Variants in EVC observed in about 807,000 individuals in gnomAD.
The protein encoded by EVC is evC complex member EVC.
A neutral mutation model predicts 118.9 loss-of-function variants in EVC; 116 were observed. That is an observed-to-expected ratio of 0.98 (90% CI 0.84 to 1.14). EVC has a LOEUF of 1.14. EVC is among the 50% of genes most tolerant of loss of function. The pLI, the probability that EVC is intolerant of heterozygous loss-of-function variation, is 0.00. For synonymous variants in EVC, 619 were observed against 534.7 expected (o/e 1.16, Z -2.18); for missense variants, 1,401 against 1,246.4 (o/e 1.12, Z -1.87).
At chr4:5,809,082 T>C (rs1178574760) in intron 18 of EVC, among the ~76,000 whole-genome samples, 1 of 152,242 alleles carries the variant, frequency 6.6e-6, no homozygotes, top group African/African-American at 2.4e-5. Flanking sequence ...ATGGACAAAC[T>C]GAGGCATGCA....
At position 5,789,115 on chromosome 4, in the gene EVC, G is replaced by A. The variant is rs1227703751; in HGVS notation, c.1777-4493G>A. On this transcript the variant is annotated intron_variant, in intron 12 of 20. Coordinates refer to ENST00000264956, the MANE Select transcript of EVC (RefSeq NM_153717.3). This position sits in a 1 kb window ranked among gnomAD's most constrained non-coding sequence, Gnocchi z 4.3. ...GTGACTTTTCTCTGTTAGTGATACTGGAAATAATTGGGCATCTTACAGTCG... is the reference window on the plus strand; with the variant it reads ...GTGACTTTTCTCTGTTAGTGATACTAGAAATAATTGGGCATCTTACAGTCG... 1.3e-5 allele frequency among the ~76,000 whole-genome samples: 2 copies of A among 152,166 alleles called. No homozygotes were observed. Among genetic ancestry groups the A allele is most frequent in the Admixed American group, 6.5e-5 (1 of 15,270 alleles).
intron 13 of EVC, among the ~76,000 whole-genome samples, chr4:5,795,307 TCAAGAAGCAG>T (rs1442110800): frequency 2.6e-5 from 4 of 152,186 alleles, no homozygotes; most frequent in Non-Finnish European, 5.9e-5. Flanking sequence ...GTGCATACCA[TCAAGAAGCAG>T]GTGTCTAGCT....
rs1553860016 is a variant in EVC, at chr4:5,715,740, C to CCTTTTTTTTTTTTTTTTTTTTTTTTTTT, written c.175-3508_175-3507insCTTTTTTTTTTTTTTTTTTTTTTTTTTT. Among the ~76,000 whole-genome samples, 4 of 70,992 alleles carry CCTTTTTTTTTTTTTTTTTTTTTTTTTTT rather than the reference C, an allele frequency of 5.6e-5. 2 individuals carry two copies. The allele number at this position is 70,992 out of a possible 152,430, so 46.6% of individuals were successfully genotyped here. A position where few individuals can be genotyped will look rare whatever the true frequency, so the allele number is the denominator to read the frequency against. On this transcript the variant is annotated intron_variant, in intron 1 of 20. Transcript: ENST00000264956. ...AATTTCGAAGGCATTTTTCCATTGT[C>CCTTTTTTTTTTTTTTTTTTTTTTTTTTT]TTTTTTTTTTTTTTTTTTTTTGAGA...
At chr4:5,821,378 T>A in the EVC span, 12 of 208,876 alleles carry the variant, frequency 5.7e-5, no homozygotes, top group South Asian at 1.7e-3. This position sits in a 1 kb window ranked among gnomAD's most constrained non-coding sequence, Gnocchi z 4.4. Flanking sequence ...ATACGTAATT[T>A]AGTAACATGC....
Position 5,738,208 on chromosome 4 carries a change from G to T in EVC, c.703-3508G>T, listed in dbSNP as rs1262055377. Among the ~76,000 whole-genome samples the T allele has an allele frequency of 2.0e-5, 3 of 152,224 alleles. No homozygotes were observed. Among genetic ancestry groups the T allele is most frequent in the Non-Finnish European group, 2.9e-5 (2 of 68,042 alleles). ...TGGGACTGAGCTGCTGCAATCTCAT[G>T]ATGAAACATGACTGGATGAGGAGCT... On this transcript the variant is annotated intron_variant, in intron 5 of 20. Coordinates refer to ENST00000264956, the MANE Select transcript of EVC (RefSeq NM_153717.3). The surrounding 1 kb of genome is among the most constrained non-coding windows in gnomAD (Gnocchi z 6.5).
intron 5 of EVC, among the ~76,000 whole-genome samples, chr4:5,736,353 G>A (rs976756116): frequency 6.6e-6 from 1 of 152,134 alleles, no homozygotes; most frequent in East Asian, 1.9e-4. Flanking sequence ...AAGAAGGTCT[G>A]TAGACAGCAG....
In EVC at chr4:5,798,264, GTCC is replaced by G. The variant is rs758993548; in HGVS notation, c.2098-316_2098-314del. On this transcript the variant is annotated intron_variant, in intron 14 of 20. Coordinates refer to ENST00000264956, the MANE Select transcript of EVC (RefSeq NM_153717.3). The surrounding 1 kb of genome is among the most constrained non-coding windows in gnomAD (Gnocchi z 4.1). ...TTACTTAACTTCTCTGAGCCTTCGT[GTCC>G]TCCTCAGTGCTAGTGTTCAGGTCTC... Among the ~76,000 whole-genome samples the G allele has an allele frequency of 5.9e-5, 9 of 152,300 alleles. No homozygotes were observed. The highest frequency in any genetic ancestry group is 1.9e-4 in the East Asian group (1 of 5,186).
In EVC at chr4:5,731,500, G is replaced by C; in HGVS notation, c.460G>C (p.Glu154Gln). ...KQAVLPHQPV[E>Q]ASPSSSLGSL... ...GGCTGTTTTGCCACACCAGCCGGTA[G>C]AGGCCTCTCCTTCCAGCAGTCTGGG... The change falls in exon 4 of 21, where the codon GAG becomes CAG. Residue 154 changes from glutamate to glutamine, a missense_variant. Coordinates refer to ENST00000264956, the MANE Select transcript of EVC (RefSeq NM_153717.3). The surrounding 1 kb of genome is among the most constrained non-coding windows in gnomAD (Gnocchi z 5.6). The C allele has an allele frequency of 6.2e-7, 1 of 1,614,106 alleles. No homozygotes were observed. The highest frequency in any genetic ancestry group is 8.5e-7 in the Non-Finnish European group (1 of 1,180,026).
chr4:5,719,067 C>T lies in EVC; in HGVS notation c.175-181C>T, dbSNP rs1053636642. Among the ~76,000 whole-genome samples, 1 of 152,078 alleles carries T rather than the reference C, an allele frequency of 6.6e-6. No homozygotes were observed. The highest frequency in any genetic ancestry group is 1.5e-5 in the Non-Finnish European group (1 of 68,020). ...CTGTGCAGTCTTGAAGGACATGTAG[C>T]GGACCCCACGTGGGGTGGGAGGCGT... On this transcript the variant is annotated intron_variant, in intron 1 of 20. Transcript: ENST00000264956. The surrounding 1 kb of genome is among the most constrained non-coding windows in gnomAD (Gnocchi z 4.7).
chr4:5,711,353 C>A lies in EVC; in HGVS notation c.-28C>A. 1 of 1,007,138 alleles carries A rather than the reference C, an allele frequency of 9.9e-7. No homozygotes were observed. The highest frequency in any genetic ancestry group is 1.7e-5 in the African/African-American group (1 of 57,620). 62.4% of individuals were successfully genotyped at this position (1,007,138 alleles called of 1,614,324 possible). A position where few individuals can be genotyped will look rare whatever the true frequency, so the allele number is the denominator to read the frequency against. On this transcript the variant is annotated 5_prime_UTR_variant, in exon 1 of 21. Transcript: ENST00000264956. ...GGACGGTGCAGCAGGCGGCGGGATG[C>A]GGCGGGGCGGCAGCCTGAGCGCCCC... is the stretch of plus-strand genomic sequence containing the variant.
At chr4:5,828,377 G>A in the EVC span, 2 of 1,454,688 alleles carry the variant, frequency 1.4e-6, no homozygotes, top group Non-Finnish European at 1.8e-6. Flanking sequence ...GGAAACGGAG[G>A]TTCCCAGGGC....
chr4:5,794,281 A>ATATATTTATATTTT (rs1713390574), intron 13 of EVC, among the ~76,000 whole-genome samples: 2 of 133,824 alleles, frequency 1.5e-5, no homozygotes, highest in Non-Finnish European at 3.2e-5. Flanking sequence ...ATATATATTT[A>ATATATTTATATTTT]TATATATTTT....
At chr4:5,821,686 C>T in the EVC span, 83 of 1,437,002 alleles carry the variant, frequency 5.8e-5, no homozygotes, top group Non-Finnish European at 7.7e-5. The surrounding 1 kb of genome is among the most constrained non-coding windows in gnomAD (Gnocchi z 4.4). Flanking sequence ...CTGTGGGTTT[C>T]AAAAACACTG....
intron 13 of EVC, among the ~76,000 whole-genome samples, chr4:5,796,800 G>C (rs990804947): frequency 1.1e-4 from 16 of 151,836 alleles, no homozygotes; most frequent in Admixed American, 8.5e-4. Context: ...GCATTGGACA[G>C]CCAGGCAGGA....
In EVC at chr4:5,729,371, C is replaced by G; in HGVS notation, c.365C>G (p.Pro122Arg). The G allele has an allele frequency of 6.2e-7, 1 of 1,614,106 alleles. No homozygotes were observed. Among genetic ancestry groups the G allele is most frequent in the Non-Finnish European group, 8.5e-7 (1 of 1,180,018 alleles). Residue 122 changes from proline (P) to arginine (R), a missense_variant, in exon 3 of 21, where the codon CCC (proline) becomes CGC (arginine). By Grantham distance (103) the Pro-to-Arg change is moderately radical. Transcript: ENST00000264956. ...GCCCTGAAGGCCAAAGTCATCTACCCCATCAATCAGAAGTTCCGGGTGAGA... is the reference window on the plus strand; with the variant it reads ...GCCCTGAAGGCCAAAGTCATCTACCGCATCAATCAGAAGTTCCGGGTGAGA... ...AFALKAKVIY[P>R]INQKFRPLAD...
chr4:5,747,278 T>C (rs1194925816), intron 7 of EVC, among the ~76,000 whole-genome samples: 1 of 152,024 alleles, frequency 6.6e-6, no homozygotes, highest in Non-Finnish European at 1.5e-5. Flanking sequence ...CACTAACCCC[T>C]GCCCCCTCCC....
chr4:5,808,132 T>TCCCCA, intron 17 of EVC, 69 bp from the exon 18 acceptor site: 1 of 464,752 alleles, frequency 2.2e-6, no homozygotes, highest in Non-Finnish European at 4.1e-6. Context: ...GCCTTCCTTC[T>TCCCCA]CCCTCCCTCC....
rs563676739 is a variant in EVC, at chr4:5,810,456, A to T, written c.2894+6A>T. Reference sequence around the variant, plus strand: ...CAGACCTCAGGCTCACTCAGGTATGACTGGGCCCCGGACCTGTTGCCTGTG... The same window carrying T: ...CAGACCTCAGGCTCACTCAGGTATGTCTGGGCCCCGGACCTGTTGCCTGTG... On this transcript the variant is annotated splice_donor_region_variant and intron_variant, in intron 20 of 20. Coordinates refer to ENST00000264956, the MANE Select transcript of EVC (RefSeq NM_153717.3). 9.3e-6 allele frequency: 15 copies of T among 1,605,124 alleles called. No individual in the cohort carries two copies. In the South Asian group the frequency reaches 1.3e-4, roughly 14 times the overall value.
At chr4:5,809,652 G>T in intron 19 of EVC, 41 bp downstream of exon 19, 1 of 1,560,164 alleles carries the variant, frequency 6.4e-7, no homozygotes, top group African/African-American at 1.4e-5. Context: ...AAGCACTCTG[G>T]GCTGAGAGAT....
Sources: gnomAD v4.1 joint callset for allele counts (sites outside exome capture counted in the v4.1 genomes callset) on GRCh38, gnomAD v4.1.1 for gene constraint, Gnocchi (gnomAD v3.1) non-coding constraint, MANE v1.5 for transcripts, NCBI Gene and HGNC (gene_info 2026-07-23, HGNC 2026-07-21) for gene names.